Variants in FSTL5 observed in about 807,000 individuals in gnomAD.
FSTL5 encodes follistatin-related protein 5.
In FSTL5, 62 loss-of-function variants were observed where a neutral mutation model predicts 89.1. The ratio of observed to expected loss-of-function variants is 0.70; its 90% confidence interval spans 0.57 to 0.86. The LOEUF is 0.86. Ranked by LOEUF, FSTL5 falls within the 40% of genes least tolerant of loss-of-function variation. The pLI is 0.00. For synonymous variants in FSTL5, 383 were observed against 346.2 expected (o/e 1.11, Z -1.18); for missense variants, 1,057 against 1,001.6 (o/e 1.06, Z -0.75).
chr4:162,153,511 C>G (rs1217734133), intron 1 of FSTL5, among the ~76,000 whole-genome samples: 1 of 150,072 alleles, frequency 6.7e-6, no homozygotes, highest in Non-Finnish European at 1.5e-5. Context: ...GCTACCCATC[C>G]CCAGCACCTG....
intron 2 of FSTL5, among the ~76,000 whole-genome samples, chr4:162,106,896 G>C (rs943927235): frequency 1.3e-5 from 2 of 152,176 alleles, no homozygotes; most frequent in Admixed American, 1.3e-4. Context: ...GAATACTTAA[G>C]TAGCCCCCAC....
chr4:161,458,254 C>T (rs543678613), intron 14 of FSTL5, among the ~76,000 whole-genome samples: 1 of 152,118 alleles, frequency 6.6e-6, no homozygotes, highest in Non-Finnish European at 1.5e-5. Flanking sequence ...ATTTTAAGAC[C>T]TCACATTCTG....
At chr4:161,451,920 T>C (rs978438565) in intron 15 of FSTL5, among the ~76,000 whole-genome samples, 1 of 152,186 alleles carries the variant, frequency 6.6e-6, no homozygotes, top group African/African-American at 2.4e-5. Flanking sequence ...GCCTGACACG[T>C]GTCAAGAAGC....
chr4:162,036,537 C>T lies in FSTL5; in HGVS notation c.127-2879G>A, dbSNP rs1363941046. Reference sequence around the variant, plus strand: ...TAAAGTTGGAAGCCACTAGCATATGCATAAATTATCACTCTATAAATTAGA... The same window carrying T: ...TAAAGTTGGAAGCCACTAGCATATGTATAAATTATCACTCTATAAATTAGA... On this transcript the variant is annotated intron_variant, in intron 2 of 15. Transcript: ENST00000306100. Among the ~76,000 whole-genome samples the T allele has an allele frequency of 2.0e-5, 3 of 152,118 alleles. No homozygotes were observed. The East Asian group carries it at 5.8e-4, about 29-fold the overall frequency.
chr4:161,906,242 T>C (rs1199235469), intron 4 of FSTL5, among the ~76,000 whole-genome samples: 1 of 152,172 alleles, frequency 6.6e-6, no homozygotes, highest in Non-Finnish European at 1.5e-5. Context: ...CTTTCTTTAG[T>C]ACTAGTTATC....
intron 4 of FSTL5, among the ~76,000 whole-genome samples, chr4:161,833,942 TTTG>T (rs1483455733): frequency 3.3e-5 from 5 of 152,150 alleles, no homozygotes; most frequent in Non-Finnish European, 5.9e-5. Context: ...AGCTGGTTAT[TTTG>T]CTCGTTAGTT....
chr4:161,812,737 T>G (rs1730193762), intron 4 of FSTL5, among the ~76,000 whole-genome samples: 1 of 151,982 alleles, frequency 6.6e-6, no homozygotes, highest in Non-Finnish European at 1.5e-5. Context: ...TAGTCTACAT[T>G]TTCAACAATA....
intron 1 of FSTL5, among the ~76,000 whole-genome samples, chr4:162,148,870 A>G: frequency 6.6e-6 from 1 of 152,170 alleles, no homozygotes; most frequent in East Asian, 1.9e-4. Context: ...TGCTATAGTG[A>G]TTTCAGTGAG....
At chr4:161,905,172 T>A (rs1287339363) in intron 4 of FSTL5, among the ~76,000 whole-genome samples, 1 of 152,138 alleles carries the variant, frequency 6.6e-6, no homozygotes, top group Admixed American at 6.5e-5. Context: ...CTCATTTTGT[T>A]AAATAATTTT....
Position 161,542,672 on chromosome 4 carries a change from T to C in FSTL5, c.1037A>G (p.Tyr346Cys), listed in dbSNP as rs1731868347. The change falls in exon 9 of 16, where the codon TAT becomes TGT. Residue 346 changes from tyrosine to cysteine, a missense_variant. Tyr to Cys is a radical substitution (Grantham distance 194, BLOSUM62 -2). This residue lies in a region of FSTL5 where 980 missense variants were observed against 903.2 expected (regional missense o/e 1.08). Transcript: ENST00000306100. ...AGGCTCTCTAGCCTGACTCTCTGGA[T>C]ACACCCGGATGACTGGAGGAACTAA... ...QVNVPPVIRV[Y>C]PESQAREPGV... is the part of the protein sequence containing the mutation. The C allele has an allele frequency of 6.7e-7, 1 of 1,501,054 alleles. No homozygotes were observed. The allele number at this position is 1,501,054 out of a possible 1,614,324, so 93.0% of individuals were successfully genotyped here. A position where few individuals can be genotyped will look rare whatever the true frequency, so the allele number is the denominator to read the frequency against.
Position 161,696,768 on chromosome 4 carries a change from T to C in FSTL5, c.728-40274A>G, listed in dbSNP as rs139789626. 5.9e-3 allele frequency among the ~76,000 whole-genome samples: 906 copies of C among 152,308 alleles called. 13 individuals are homozygous for C. The highest frequency in any genetic ancestry group is 0.047 in the South Asian group (229 of 4,828). ...TCTCAGCTTGGTTGCTGTTGGTGTA[T>C]AGAAGCACTACTGATTTGTGTACAT... On this transcript the variant is annotated intron_variant, in intron 6 of 15. Coordinates refer to ENST00000306100, the MANE Select transcript of FSTL5 (RefSeq NM_020116.5).
intron 2 of FSTL5, among the ~76,000 whole-genome samples, chr4:162,074,325 T>A (rs956345642): frequency 6.6e-6 from 1 of 151,780 alleles, no homozygotes; most frequent in Admixed American, 6.6e-5. Flanking sequence ...TTCTTAGTAA[T>A]GTTTGCCAGG....
intron 12 of FSTL5, among the ~76,000 whole-genome samples, chr4:161,498,073 T>A (rs1482645041): frequency 6.6e-6 from 1 of 151,526 alleles, no homozygotes; most frequent in South Asian, 2.1e-4. Flanking sequence ...TATGTCTCTA[T>A]GTATGTATAT....
At chr4:161,548,438 G>A (rs1212590151) in intron 8 of FSTL5, among the ~76,000 whole-genome samples, 2 of 151,862 alleles carry the variant, frequency 1.3e-5, no homozygotes, top group Non-Finnish European at 2.9e-5. Flanking sequence ...GTTCGTTAAA[G>A]GAAAATGAAC....
chr4:161,745,454 T>C (rs1479968564), intron 6 of FSTL5, among the ~76,000 whole-genome samples: 3 of 152,054 alleles, frequency 2.0e-5, no homozygotes, highest in Non-Finnish European at 2.9e-5. Context: ...ATTTGTTTAA[T>C]ATGGAGTGAT....
intron 4 of FSTL5, among the ~76,000 whole-genome samples, chr4:161,868,532 A>G (rs1732162522): frequency 6.6e-6 from 1 of 152,056 alleles, no homozygotes; most frequent in South Asian, 2.1e-4. Context: ...TGTCAATTTG[A>G]TCTCCACAAT....
At chr4:161,487,830 A>T (rs1729732370) in intron 12 of FSTL5, among the ~76,000 whole-genome samples, 1 of 152,114 alleles carries the variant, frequency 6.6e-6, no homozygotes, top group South Asian at 2.1e-4. Flanking sequence ...AATATAAATA[A>T]TTATTCTGAA....
At chr4:161,662,206 T>C (rs1435921809) in intron 6 of FSTL5, among the ~76,000 whole-genome samples, 1 of 152,174 alleles carries the variant, frequency 6.6e-6, no homozygotes, top group Non-Finnish European at 1.5e-5. Flanking sequence ...AAAATCTCTC[T>C]GGAGTAAGTT....
chr4:162,102,063 G>A (rs916394297), intron 2 of FSTL5, among the ~76,000 whole-genome samples: 2 of 152,010 alleles, frequency 1.3e-5, no homozygotes, highest in African/African-American at 2.4e-5. Context: ...GAAGCACAAA[G>A]TACTTAATTA....
Sources: allele counts gnomAD v4.1 joint callset (sites outside exome capture counted in the v4.1 genomes callset), GRCh38; gene constraint gnomAD v4.1.1; regional missense constraint gnomAD v4.1.1; transcripts MANE v1.5; gene names NCBI Gene and HGNC (gene_info 2026-07-23, HGNC 2026-07-21).